The following PTPRO variants were observed in gnomAD, a reference collection of about 807,000 sequenced individuals.
The protein encoded by PTPRO is receptor-type tyrosine-protein phosphatase O.
Under a neutral mutation model 145.2 loss-of-function variants are expected in PTPRO, and 62 were observed. The ratio of observed to expected loss-of-function variants is 0.43; its 90% CI spans 0.35 to 0.53. The LOEUF (loss-of-function observed/expected upper bound fraction) is 0.53. PTPRO is among the 20% of genes least tolerant of loss of function. The pLI is 0.01. For synonymous variants in PTPRO, 565 were observed against 514.7 expected (o/e 1.10, Z -1.32); for missense variants, 1,345 against 1,482.7 (o/e 0.91, Z 1.53).
intron 18 of PTPRO, among the ~76,000 whole-genome samples, chr12:15,568,612 A>C (rs1444117369): frequency 1.3e-5 from 2 of 152,088 alleles, no homozygotes; most frequent in African/African-American, 4.8e-5. Flanking sequence ...TAGAGAGCAA[A>C]TTGGTTTAGG....
chr12:15,546,541 T>A (rs1262824076), intron 12 of PTPRO, 28 bp from the exon 13 acceptor site: 3 of 1,555,700 alleles, frequency 1.9e-6, no homozygotes, highest in Admixed American at 1.9e-5. Flanking sequence ...GTAAATTAAA[T>A]TTTTTTTAAA....
intron 1 of PTPRO, among the ~76,000 whole-genome samples, chr12:15,383,073 C>T (rs1473275188): frequency 6.6e-6 from 1 of 152,168 alleles, no homozygotes; most frequent in Non-Finnish European, 1.5e-5. Context: ...TTCCTCCTGC[C>T]TAACTGAAGC....
intron 1 of PTPRO, chr12:15,439,729 A>T: frequency 3.8e-6 from 2 of 532,850 alleles, no homozygotes; most frequent in South Asian, 3.0e-5. Flanking sequence ...TGGACCTCCT[A>T]GTCAAGGACA....
At chr12:15,323,030 G>A (rs957742336) in intron 1 of PTPRO, among the ~76,000 whole-genome samples, 1 of 152,190 alleles carries the variant, frequency 6.6e-6, no homozygotes, top group Non-Finnish European at 1.5e-5. Flanking sequence ...TGCTCCCTCC[G>A]GCTTTCGCCC....
chr12:15,329,882 T>G (rs982218666), intron 1 of PTPRO, among the ~76,000 whole-genome samples: 5 of 152,212 alleles, frequency 3.3e-5, no homozygotes, highest in Admixed American at 2.6e-4. Context: ...AGCTGAGTCC[T>G]GAAGCATAGG....
At chr12:15,373,376 T>C (rs970124825) in intron 1 of PTPRO, among the ~76,000 whole-genome samples, 17 of 152,152 alleles carry the variant, frequency 1.1e-4, no homozygotes, top group African/African-American at 4.1e-4. Context: ...TCGTCAGTTG[T>C]TTTATGGAGT....
intron 1 of PTPRO, among the ~76,000 whole-genome samples, chr12:15,336,415 A>G (rs1866763779): frequency 6.6e-6 from 1 of 152,234 alleles, no homozygotes; most frequent in African/African-American, 2.4e-5. Flanking sequence ...GTAGATGATC[A>G]TAGATACAGA....
At chr12:15,484,765 A>C (rs1941852163) in intron 2 of PTPRO, among the ~76,000 whole-genome samples, 1 of 152,166 alleles carries the variant, frequency 6.6e-6, no homozygotes, top group South Asian at 2.1e-4. Flanking sequence ...TCTTAAGAAA[A>C]AATGCCAAGA....
At chr12:15,551,701 G>A (rs370299917) in intron 15 of PTPRO, 30 bp downstream of exon 15, 178 of 1,605,384 alleles carry the variant, frequency 1.1e-4, no homozygotes, top group African/African-American at 1.0e-3. Flanking sequence ...TATTTTATCC[G>A]GAATCTTTAA....
intron 1 of PTPRO, among the ~76,000 whole-genome samples, chr12:15,463,225 A>G (rs1034477172): frequency 5.3e-5 from 8 of 152,156 alleles, no homozygotes; most frequent in Non-Finnish European, 7.4e-5. Context: ...TCAAAGGTTC[A>G]GCTTTTATTA....
chr12:15,447,043 G>A (rs1479980795), intron 1 of PTPRO, among the ~76,000 whole-genome samples: 1 of 152,080 alleles, frequency 6.6e-6, no homozygotes, highest in Non-Finnish European at 1.5e-5. Flanking sequence ...ACTTCTTGGT[G>A]TTTTGCTTAC....
At chr12:15,560,964 A>G (rs1334761558) in intron 17 of PTPRO, among the ~76,000 whole-genome samples, 1 of 152,110 alleles carries the variant, frequency 6.6e-6, no homozygotes, top group Non-Finnish European at 1.5e-5. Flanking sequence ...TAACTTCTGG[A>G]TCATTTTAAT....
chr12:15,565,840 G>A (rs1393737134), intron 18 of PTPRO, among the ~76,000 whole-genome samples: 2 of 152,122 alleles, frequency 1.3e-5, no homozygotes, highest in African/African-American at 4.8e-5. Context: ...TCAGAAATAA[G>A]GACAATGTTT....
At chr12:15,519,214 A>G (rs1942662117) in intron 9 of PTPRO, among the ~76,000 whole-genome samples, 1 of 152,104 alleles carries the variant, frequency 6.6e-6, no homozygotes, top group South Asian at 2.1e-4. Context: ...CCCCCTTACA[A>G]TAGCCATCAG....
intron 1 of PTPRO, among the ~76,000 whole-genome samples, chr12:15,462,257 T>C (rs1447759214): frequency 6.6e-6 from 1 of 152,168 alleles, no homozygotes; most frequent in East Asian, 1.9e-4. Context: ...CCCAAGTAGC[T>C]GGAATTACAG....
chr12:15,531,572 T>C (rs1228192243), intron 12 of PTPRO, among the ~76,000 whole-genome samples: 1 of 152,154 alleles, frequency 6.6e-6, no homozygotes, highest in Non-Finnish European at 1.5e-5. Context: ...GACCATTTAT[T>C]GCGGTATACA....
At chr12:15,494,095 A>G (rs894297808) in intron 2 of PTPRO, among the ~76,000 whole-genome samples, 14 of 152,328 alleles carry the variant, frequency 9.2e-5, no homozygotes, top group African/African-American at 3.4e-4. Context: ...GCATGAGAAG[A>G]TAAATACCAG....
intron 18 of PTPRO, 141 bp from the exon 19 acceptor site, chr12:15,569,273 CAAA>C: frequency 1.7e-6 from 1 of 579,806 alleles, no homozygotes; most frequent in Non-Finnish European, 2.9e-6. Flanking sequence ...TAACTTGAAC[CAAA>C]AAAAAAAGGT....
intron 7 of PTPRO, among the ~76,000 whole-genome samples, chr12:15,511,365 C>T (rs958778845): frequency 4.6e-5 from 7 of 152,136 alleles, no homozygotes; most frequent in African/African-American, 1.4e-4. Flanking sequence ...TATAGGTTAG[C>T]AGCTCAGTAA....
Sources: allele counts gnomAD v4.1 joint callset (sites outside exome capture counted in the v4.1 genomes callset), GRCh38; gene constraint gnomAD v4.1.1; transcripts MANE v1.5; gene names NCBI Gene and HGNC (gene_info 2026-07-23, HGNC 2026-07-21).